CADM2: variants seen among roughly 807,000 people sequenced by gnomAD.
CADM2 encodes immunoglobulin superfamily member 4D.
CADM2 carries 12 observed loss-of-function variants against 49.8 expected under a neutral mutation model. The observed-to-expected ratio is 0.24, with a 90% confidence interval of 0.15 to 0.39. The LOEUF is 0.39. CADM2 is among the 10% of genes least tolerant of loss of function. The probability of loss-of-function intolerance (pLI) is 1.00; values close to 1 mark genes in which losing one functional copy is unlikely to be tolerated. For missense variants in CADM2, 378 were observed against 492.3 expected (o/e 0.77, Z 2.20); for synonymous variants, 214 against 175.4 (o/e 1.22, Z -1.74).
chr3:85,925,121 ATCT>A (rs1443298271), intron 6 of CADM2, among the ~76,000 whole-genome samples: 1 of 149,078 alleles, frequency 6.7e-6, no homozygotes, highest in Non-Finnish European at 1.5e-5. Flanking sequence ...TTTCTAAGTA[ATCT>A]TCTTTGCTTC....
chr3:85,415,880 G>A (rs1193825429), intron 1 of CADM2, among the ~76,000 whole-genome samples: 1 of 152,032 alleles, frequency 6.6e-6, no homozygotes, highest in African/African-American at 2.4e-5. Context: ...AAAGCAACAA[G>A]AATATTTAAT....
chr3:86,066,761 A>T lies in CADM2; in HGVS notation c.1193A>T (p.Glu398Val). 6.2e-7 allele frequency: 1 copy of T among 1,612,214 alleles called. No homozygotes were observed. The change falls in exon 10 of 10, where the codon GAG becomes GTG. Residue 398 changes from glutamate (E) to valine (V), a missense_variant. Physicochemically the swap from Glu to Val is moderately radical, Grantham distance 121 (BLOSUM62 -2). Coordinates refer to ENST00000383699, the MANE Select transcript of CADM2 (RefSeq NM_001167675.2). ...NAEGSQVNAE[E>V]KKEYFI ...GAAGGCAGCCAAGTCAATGCTGAAG[A>T]GAAAAAAGAGTATTTCATTTAAGAT...
chr3:85,072,665 G>A (rs1010906476), intron 1 of CADM2, among the ~76,000 whole-genome samples: 4 of 151,978 alleles, frequency 2.6e-5, no homozygotes, highest in African/African-American at 7.2e-5. Context: ...ACATTTAAAA[G>A]ACATAGTCTC....
At chr3:85,184,421 T>G (rs2107710749) in intron 1 of CADM2, among the ~76,000 whole-genome samples, 1 of 152,252 alleles carries the variant, frequency 6.6e-6, no homozygotes, top group Non-Finnish European at 1.5e-5. Context: ...TGCATTTTTT[T>G]TCCTTTTTGA....
At chr3:85,468,643 T>A (rs747442251) in intron 1 of CADM2, among the ~76,000 whole-genome samples, 1 of 152,174 alleles carries the variant, frequency 6.6e-6, no homozygotes, top group Non-Finnish European at 1.5e-5. Context: ...AATTAGCCTA[T>A]AGTATAAATT....
intron 1 of CADM2, among the ~76,000 whole-genome samples, chr3:85,376,698 A>G (rs2033610301): frequency 6.6e-6 from 1 of 152,024 alleles, no homozygotes; most frequent in African/African-American, 2.4e-5. Flanking sequence ...TTTAAAGGAG[A>G]TCATTGTTTG....
At chr3:86,001,285 G>A (rs760343049) in intron 8 of CADM2, among the ~76,000 whole-genome samples, 2 of 152,048 alleles carry the variant, frequency 1.3e-5, no homozygotes, top group Non-Finnish European at 2.9e-5. Context: ...TGAAGAGTTG[G>A]ATATACAGAT....
chr3:85,176,069 A>G (rs1314156150), intron 1 of CADM2, among the ~76,000 whole-genome samples: 3 of 151,890 alleles, frequency 2.0e-5, no homozygotes, highest in Non-Finnish European at 4.4e-5. Context: ...CTTTTGATAC[A>G]TGGAGCATTA....
At chr3:85,651,912 G>A (rs1350423218) in intron 1 of CADM2, among the ~76,000 whole-genome samples, 2 of 148,484 alleles carry the variant, frequency 1.3e-5, no homozygotes, top group East Asian at 2.0e-4. Context: ...CTGCCTCCCC[G>A]GTTCACGCCA....
chr3:86,021,099 A>G (rs1733106655), intron 8 of CADM2, among the ~76,000 whole-genome samples: 1 of 152,144 alleles, frequency 6.6e-6, no homozygotes, highest in African/African-American at 2.4e-5. Context: ...TCCCAGGTTT[A>G]AGTGATTCTC....
At chr3:85,373,906 T>G (rs190988825) in intron 1 of CADM2, among the ~76,000 whole-genome samples, 112 of 152,060 alleles carry the variant, frequency 7.4e-4, no homozygotes, top group Non-Finnish European at 1.2e-4. Context: ...ATGAAACCCA[T>G]TTTTTTTCCT....
chr3:85,903,351 A>C (rs1716373785), intron 5 of CADM2, among the ~76,000 whole-genome samples: 1 of 151,986 alleles, frequency 6.6e-6, no homozygotes, highest in South Asian at 2.1e-4. Flanking sequence ...TTTTAGCCCA[A>C]CTTTCCTTAA....
At chr3:85,940,647 C>G (rs1396228610) in intron 7 of CADM2, among the ~76,000 whole-genome samples, 1 of 152,052 alleles carries the variant, frequency 6.6e-6, no homozygotes, top group Non-Finnish European at 1.5e-5. Flanking sequence ...TAGAAAACCT[C>G]TAATTAATCA....
chr3:85,058,378 A>G (rs140711227), intron 1 of CADM2, among the ~76,000 whole-genome samples: 8 of 152,266 alleles, frequency 5.3e-5, no homozygotes, highest in Non-Finnish European at 1.2e-4. Flanking sequence ...CATAGGCAAC[A>G]AATTTTGAGA....
At chr3:85,956,768 A>G (rs889584970) in intron 7 of CADM2, among the ~76,000 whole-genome samples, 6 of 151,418 alleles carry the variant, frequency 4.0e-5, no homozygotes, top group African/African-American at 1.5e-4. Flanking sequence ...ATCTGAATTT[A>G]ACTACATATT....
intron 1 of CADM2, among the ~76,000 whole-genome samples, chr3:85,413,161 A>AAAAAATAATAAT (rs1553720239): frequency 2.2e-4 from 24 of 108,496 alleles, no homozygotes; most frequent in African/African-American, 9.3e-4. Context: ...AAAAAAAAAA[A>AAAAAATAATAAT]AATAATAATA....
At chr3:85,952,437 C>T (rs1226671959) in intron 7 of CADM2, among the ~76,000 whole-genome samples, 2 of 150,934 alleles carry the variant, frequency 1.3e-5, no homozygotes, top group Non-Finnish European at 3.0e-5. Context: ...CTGCCCTCTT[C>T]CCTGATTTCT....
chr3:85,497,205 ATTTG>A (rs1018070641), intron 1 of CADM2, among the ~76,000 whole-genome samples: 4 of 151,304 alleles, frequency 2.6e-5, no homozygotes, highest in Admixed American at 6.6e-5. Context: ...TTTCTTGTTG[ATTTG>A]TTTAAGTTTC....
intron 5 of CADM2, among the ~76,000 whole-genome samples, chr3:85,910,802 A>T (rs1717480894): frequency 6.6e-6 from 1 of 152,050 alleles, no homozygotes. Context: ...TTCAAGAACA[A>T]GACATATCAC....
Sources: gnomAD v4.1 joint callset for allele counts (sites outside exome capture counted in the v4.1 genomes callset) on GRCh38, gnomAD v4.1.1 for gene constraint, MANE v1.5 for transcripts, NCBI Gene and HGNC (gene_info 2026-07-23, HGNC 2026-07-21) for gene names.